The following TMEM132C variants were observed in gnomAD, a reference collection of about 807,000 sequenced individuals.
The protein encoded by TMEM132C is transmembrane protein 132C.
A neutral mutation model predicts 61.4 loss-of-function variants in TMEM132C; 29 were observed. The observed-to-expected ratio is 0.47, with a 90% CI of 0.35 to 0.64. TMEM132C has a LOEUF of 0.64. Ranked by LOEUF, TMEM132C falls within the 30% of genes least tolerant of loss-of-function variation. TMEM132C has a pLI of 0.00. For synonymous variants in TMEM132C, 656 were observed against 633.1 expected, an observed-to-expected ratio of 1.04 and a Z score of -0.54; for missense variants, 1,408 against 1,476.9, an observed-to-expected ratio of 0.95 and a Z score of 0.76.
chr12:128,694,720 C>T (rs941799068), intron 6 of TMEM132C, among the ~76,000 whole-genome samples: 6 of 152,186 alleles, frequency 3.9e-5, no homozygotes, highest in Admixed American at 3.9e-4. Flanking sequence ...GTAAGTAGGA[C>T]AGTGAGATGC....
chr12:128,294,795 C>T (rs1331242787), intron 1 of TMEM132C, among the ~76,000 whole-genome samples: 1 of 152,076 alleles, frequency 6.6e-6, no homozygotes, highest in Non-Finnish European at 1.5e-5. Context: ...TCATCACCTC[C>T]CAAAGGTACC....
At chr12:128,411,831 T>C (rs114296454) in intron 1 of TMEM132C, among the ~76,000 whole-genome samples, 1,765 of 152,316 alleles carry the variant, frequency 0.012, 33 homozygotes, top group African/African-American at 0.04. Context: ...CTGGAGTTTA[T>C]ATATACCAAT....
intron 8 of TMEM132C, among the ~76,000 whole-genome samples, chr12:128,699,748 G>C (rs1954240161): frequency 6.6e-6 from 1 of 152,188 alleles, no homozygotes; most frequent in Admixed American, 6.5e-5. Flanking sequence ...CTCATCCCAT[G>C]CCCATGTTCT....
At chr12:128,338,664 T>C (rs1043429628) in intron 1 of TMEM132C, among the ~76,000 whole-genome samples, 3 of 151,878 alleles carry the variant, frequency 2.0e-5, no homozygotes, top group African/African-American at 7.3e-5. Flanking sequence ...CACTCCTTTC[T>C]AAGCTTTTGG....
At chr12:128,602,182 C>T (rs1386488399) in intron 3 of TMEM132C, among the ~76,000 whole-genome samples, 1 of 152,110 alleles carries the variant, frequency 6.6e-6, no homozygotes, top group African/African-American at 2.4e-5. Context: ...GTGCTGCAGC[C>T]CGGACAGAGC....
intron 1 of TMEM132C, among the ~76,000 whole-genome samples, chr12:128,357,006 CAG>C (rs1873527743): frequency 6.6e-6 from 1 of 152,190 alleles, no homozygotes; most frequent in African/African-American, 2.4e-5. Flanking sequence ...CATACACACA[CAG>C]AGAGACACAC....
At chr12:128,539,492 C>T (rs1250327188) in intron 2 of TMEM132C, among the ~76,000 whole-genome samples, 1 of 152,162 alleles carries the variant, frequency 6.6e-6, no homozygotes, top group Non-Finnish European at 1.5e-5. Context: ...GCGGTGGTCG[C>T]CTGTAGTCCC....
In TMEM132C at chr12:128,630,980, C is replaced by T. The variant is rs1197368166; in HGVS notation, c.1305+14645C>T. Reference sequence around the variant, plus strand: ...CTGGGAGGCGGAGGCTGCAATGAGCCGAGATCACGCCACTGCATTCCAGCC... The same window carrying T: ...CTGGGAGGCGGAGGCTGCAATGAGCTGAGATCACGCCACTGCATTCCAGCC... On this transcript the variant is annotated intron_variant, in intron 4 of 8. Transcript: ENST00000435159. The surrounding 1 kb of genome is among the most constrained non-coding windows in gnomAD (Gnocchi z 4.3). Among the ~76,000 whole-genome samples the T allele has an allele frequency of 2.0e-5, 3 of 152,066 alleles. No homozygotes were observed. Among genetic ancestry groups the T allele is most frequent in the Non-Finnish European group, 4.4e-5 (3 of 68,010 alleles).
At chr12:128,397,136 G>C (rs1874988404) in intron 1 of TMEM132C, among the ~76,000 whole-genome samples, 1 of 152,140 alleles carries the variant, frequency 6.6e-6, no homozygotes, top group Admixed American at 6.5e-5. Flanking sequence ...CAGGGTGGGG[G>C]AGCCTTCTAG....
intron 2 of TMEM132C, among the ~76,000 whole-genome samples, chr12:128,443,010 T>C (rs1052683258): frequency 4.6e-5 from 7 of 152,198 alleles, no homozygotes; most frequent in African/African-American, 1.7e-4. Context: ...GAGAAGTTTC[T>C]TGTTCTCAGG....
chr12:128,301,917 A>AG (rs567744807), intron 1 of TMEM132C, among the ~76,000 whole-genome samples: 278 of 152,286 alleles, frequency 1.8e-3, no homozygotes, highest in Non-Finnish European at 1.8e-3. Context: ...CAGATGAGAG[A>AG]AATGAGAGCC....
chr12:128,672,999 T>C lies in TMEM132C; in HGVS notation c.1449+3439T>C, dbSNP rs540431343. ...CTGTATCAGCATCTTTCTGCACCAGTTGCCTGGGCTTCAGTTCCCACTGGC... is the reference window on the plus strand; with the variant it reads ...CTGTATCAGCATCTTTCTGCACCAGCTGCCTGGGCTTCAGTTCCCACTGGC... On this transcript the variant is annotated intron_variant, in intron 5 of 8. Coordinates refer to ENST00000435159, the MANE Select transcript of TMEM132C (RefSeq NM_001136103.3). 3.9e-5 allele frequency among the ~76,000 whole-genome samples: 6 copies of C among 152,330 alleles called. No individual in the cohort carries two copies. In the South Asian group the frequency reaches 1.0e-3, roughly 26 times the overall value.
At chr12:128,609,928 TG>T (rs888599761) in intron 3 of TMEM132C, among the ~76,000 whole-genome samples, 2 of 152,250 alleles carry the variant, frequency 1.3e-5, no homozygotes, top group African/African-American at 4.8e-5. Context: ...CTAGGCCCCA[TG>T]CCTATTTCTC....
intron 2 of TMEM132C, among the ~76,000 whole-genome samples, chr12:128,498,177 G>A (rs1872033779): frequency 6.6e-6 from 1 of 152,084 alleles, no homozygotes; most frequent in East Asian, 1.9e-4. Flanking sequence ...CTCTTCAAAT[G>A]CATTGCCCAC....
chr12:128,601,234 G>T (rs575704280), intron 3 of TMEM132C, among the ~76,000 whole-genome samples: 54 of 152,188 alleles, frequency 3.5e-4, no homozygotes, highest in Non-Finnish European at 7.3e-4. Flanking sequence ...CTCCTCTCCA[G>T]CTATGCAGAG....
rs188465885 is a variant in TMEM132C, at chr12:128,493,444, A to G, written c.975-50513A>G. Among the ~76,000 whole-genome samples the G allele has an allele frequency of 9.9e-4, 151 of 152,220 alleles. 1 individual carries two copies. The highest frequency in any genetic ancestry group is 3.4e-3 in the African/African-American group (143 of 41,542). On this transcript the variant is annotated intron_variant, in intron 2 of 8. Transcript: ENST00000435159. ...GAATCTATAAATTACCTTGGGCAGTATGGCCATTTTCACAGTATTGATTCT... is the reference window on the plus strand; with the variant it reads ...GAATCTATAAATTACCTTGGGCAGTGTGGCCATTTTCACAGTATTGATTCT...
rs183333384 is a variant in TMEM132C at position 128,433,486 on chromosome 12, T to A, written c.974+17866T>A. Among the ~76,000 whole-genome samples the A allele has an allele frequency of 2.8e-3, 425 of 152,366 alleles. 2 individuals are homozygous for A. The highest frequency in any genetic ancestry group is 9.7e-3 in the African/African-American group (404 of 41,586). Reference sequence around the variant, plus strand: ...TAAATAAACTTTAAGAAAAAAATTATCCTGCCTCAGTTTACCTTTTAACAC... The same window carrying A: ...TAAATAAACTTTAAGAAAAAAATTAACCTGCCTCAGTTTACCTTTTAACAC... On this transcript the variant is annotated intron_variant, in intron 2 of 8. Coordinates refer to ENST00000435159, the MANE Select transcript of TMEM132C (RefSeq NM_001136103.3).
At chr12:128,486,944 A>G (rs1871518652) in intron 2 of TMEM132C, among the ~76,000 whole-genome samples, 1 of 151,262 alleles carries the variant, frequency 6.6e-6, no homozygotes, top group Admixed American at 6.6e-5. Flanking sequence ...TAGTGCTAGT[A>G]CTAGTGTGAA....
chr12:128,688,397 C>G (rs891525314), intron 5 of TMEM132C, among the ~76,000 whole-genome samples: 3 of 151,976 alleles, frequency 2.0e-5, no homozygotes, highest in African/African-American at 7.3e-5. Context: ...AACTGCTGTC[C>G]ATAGCTCTAG....
Sources: gnomAD v4.1 joint callset for allele counts (sites outside exome capture counted in the v4.1 genomes callset) on GRCh38, gnomAD v4.1.1 for gene constraint, Gnocchi (gnomAD v3.1) non-coding constraint, MANE v1.5 for transcripts, NCBI Gene and HGNC (gene_info 2026-07-23, HGNC 2026-07-21) for gene names.